Variants in DNAJC25 observed in about 807,000 individuals in gnomAD.
The protein encoded by DNAJC25 is dnaJ homolog subfamily C member 25.
In DNAJC25, 26 loss-of-function variants were observed where a neutral mutation model predicts 42.1. That is an observed-to-expected ratio of 0.62 (90% CI 0.45 to 0.86). The LOEUF (loss-of-function observed/expected upper bound fraction) is 0.86, where lower values mean the gene tolerates loss of function less well. DNAJC25 is among the 40% of genes least tolerant of loss of function. DNAJC25 has a pLI of 0.00. For synonymous variants in DNAJC25, 189 were observed against 179.9 expected (o/e 1.05, Z -0.40); for missense variants, 404 against 459.4 (o/e 0.88, Z 1.10).
At chr9:111,637,880 A>G (rs1830387356) in intron 1 of DNAJC25, among the ~76,000 whole-genome samples, 1 of 152,100 alleles carries the variant, frequency 6.6e-6, no homozygotes, top group Admixed American at 6.5e-5. Context: ...TTCAGTCTTT[A>G]TCGTCTTTTC....
chr9:111,633,119 C>T (rs1830312197), intron 1 of DNAJC25, among the ~76,000 whole-genome samples: 1 of 152,132 alleles, frequency 6.6e-6, no homozygotes, highest in South Asian at 2.1e-4. Context: ...AAGAACTCTC[C>T]ATCCAAGGCA....
At chr9:111,636,581 A>T (rs537572451) in intron 1 of DNAJC25, among the ~76,000 whole-genome samples, 25 of 152,290 alleles carry the variant, frequency 1.6e-4, no homozygotes, top group Admixed American at 1.6e-3. Flanking sequence ...CAGTCTCCCA[A>T]ATAGCTGCGA....
Position 111,653,201 on chromosome 9 carries a change from G to A in DNAJC25, c.1062G>A (p.Arg354=). ...RRWMKNEGPG[R]LTFVDD ...GGATGAAGAATGAAGGGCCTGGGCG[G>A]TTAACATTTGTGGATGACTGAAGAT... Residue 354 remains arginine (R), a synonymous_variant, in exon 4 of 4, where the codon CGG becomes CGA. Transcript: ENST00000313525. 6.3e-7 allele frequency: 1 copy of A among 1,583,506 alleles called. No homozygotes were observed. The highest frequency in any genetic ancestry group is 8.6e-7 in the Non-Finnish European group (1 of 1,163,702).
At chr9:111,644,956 A>G (rs1486950857) in intron 1 of DNAJC25, among the ~76,000 whole-genome samples, 1 of 152,230 alleles carries the variant, frequency 6.6e-6, no homozygotes, top group Non-Finnish European at 1.5e-5. Flanking sequence ...CTGGAATAGG[A>G]TGATGACTTA....
chr9:111,641,407 G>T (rs1471691148), intron 1 of DNAJC25, among the ~76,000 whole-genome samples: 12 of 138,402 alleles, frequency 8.7e-5, no homozygotes, highest in African/African-American at 3.3e-4. Context: ...GAGGTGGGGG[G>T]GTCAGCCCTC....
At chr9:111,645,642 A>C (rs563840021) in intron 1 of DNAJC25, among the ~76,000 whole-genome samples, 14 of 152,296 alleles carry the variant, frequency 9.2e-5, no homozygotes, top group Non-Finnish European at 1.3e-4. Context: ...AAATCTAAAA[A>C]ACTACATGTT....
Position 111,653,161 on chromosome 9 carries a change from A to G in DNAJC25, c.1022A>G (p.Lys341Arg). 6.2e-7 allele frequency: 1 copy of G among 1,604,164 alleles called. No homozygotes were observed. Among genetic ancestry groups the G allele is most frequent in the Non-Finnish European group, 8.5e-7 (1 of 1,174,118 alleles). The change falls in exon 4 of 4, where the codon AAG (lysine) becomes AGG (arginine). Residue 341 changes from lysine to arginine, a missense_variant. Physicochemically the swap from Lys to Arg is conservative, Grantham distance 26 (BLOSUM62 2). Coordinates refer to ENST00000313525, the MANE Select transcript of DNAJC25 (RefSeq NM_001015882.3). ...AAGTTGGCAAATGACCCCAGATGGA[A>G]GAGATACAGGAGATGGATGAAGAAT... ...KKKLANDPRWKRYRRWMKNEG... is the reference protein window; with the variant it reads ...KKKLANDPRWRRYRRWMKNEG...
chr9:111,649,499 C>T lies in DNAJC25; in HGVS notation c.536C>T (p.Ala179Val). ...NSYNKAISYL[A>V]TVPKYRIQAT... ...TACAATAAGGCAATCAGCTACCTAG[C>T]CACAGTGCCCAAGTACCGTATCCAA... is the stretch of plus-strand genomic sequence containing the variant. Residue 179 changes from alanine (A) to valine (V), a missense_variant, in exon 3 of 4, where the codon GCC becomes GTC. Ala to Val is a moderately conservative substitution (Grantham distance 64). Transcript: ENST00000313525. The T allele has an allele frequency of 6.2e-7, 1 of 1,608,064 alleles. No individual in the cohort carries two copies.
chr9:111,633,538 G>T (rs2131254054), intron 1 of DNAJC25, among the ~76,000 whole-genome samples: 1 of 152,296 alleles, frequency 6.6e-6, no homozygotes, highest in African/African-American at 2.4e-5. Flanking sequence ...CTTACCCTCT[G>T]TGTCAACCCA....
At chr9:111,631,789 A>T (rs1261454198) in intron 1 of DNAJC25, 46 bp downstream of exon 1, 2 of 1,471,708 alleles carry the variant, frequency 1.4e-6, no homozygotes, top group Non-Finnish European at 1.8e-6. Flanking sequence ...GGCCGCGGGA[A>T]GCCCACGGCG....
Position 111,653,672 on chromosome 9 carries a change from T to G in DNAJC25, c.*450T>G, listed in dbSNP as rs1830699866. On this transcript the variant is annotated 3_prime_UTR_variant, in exon 4 of 4. Transcript: ENST00000313525. Reference sequence around the variant, plus strand: ...CAGCATTTAATTATATTATCATGAGTGTGTTTCTGGACACAAACTTCTGCA... The same window carrying G: ...CAGCATTTAATTATATTATCATGAGGGTGTTTCTGGACACAAACTTCTGCA... The G allele has an allele frequency of 6.6e-6, 1 of 152,386 alleles. No homozygotes were observed. Among genetic ancestry groups the G allele is most frequent in the African/African-American group, 2.4e-5 (1 of 41,466 alleles). The allele number at this position is 152,386 out of a possible 1,614,324, so 9.4% of individuals were successfully genotyped here. A position where few individuals can be genotyped will look rare whatever the true frequency, so the allele number is the denominator to read the frequency against.
chr9:111,641,315 C>T (rs1830457869), intron 1 of DNAJC25, among the ~76,000 whole-genome samples: 3 of 143,864 alleles, frequency 2.1e-5, no homozygotes, highest in Non-Finnish European at 3.1e-5. Context: ...AGTGAGGAGC[C>T]CCTCTGCCCG....
chr9:111,643,229 G>A (rs944897600), intron 1 of DNAJC25: 9 of 249,364 alleles, frequency 3.6e-5, no homozygotes, highest in Non-Finnish European at 6.5e-5. Context: ...CCTTGCTGGT[G>A]AGATGGAGAC....
intron 1 of DNAJC25, among the ~76,000 whole-genome samples, chr9:111,641,254 C>T (rs1830456564): frequency 3.5e-5 from 5 of 144,276 alleles, no homozygotes; most frequent in African/African-American, 5.2e-5. Context: ...CCCGGCCAGC[C>T]GCCCCGTCTG....
At chr9:111,632,182 C>T (rs1017939979) in intron 1 of DNAJC25, among the ~76,000 whole-genome samples, 6 of 152,174 alleles carry the variant, frequency 3.9e-5, no homozygotes, top group African/African-American at 1.2e-4. Flanking sequence ...AATGGTGACG[C>T]TTAGTTTGGG....
chr9:111,635,866 A>C (rs1830354540), intron 1 of DNAJC25, among the ~76,000 whole-genome samples: 1 of 151,844 alleles, frequency 6.6e-6, no homozygotes, highest in African/African-American at 2.4e-5. Flanking sequence ...GCAGGGCTTT[A>C]GCACTTAGGA....
At chr9:111,636,801 A>G (rs1830369055) in intron 1 of DNAJC25, among the ~76,000 whole-genome samples, 1 of 152,162 alleles carries the variant, frequency 6.6e-6, no homozygotes, top group Non-Finnish European at 1.5e-5. Context: ...GGGAAAGAGT[A>G]ACATATTTGA....
intron 1 of DNAJC25, among the ~76,000 whole-genome samples, chr9:111,638,853 A>G (rs979573258): frequency 6.6e-6 from 1 of 151,558 alleles, no homozygotes; most frequent in Non-Finnish European, 1.5e-5. Flanking sequence ...AGTTGATAAC[A>G]TCCTAACTCT....
Position 111,649,780 on chromosome 9 carries a change from A to G in DNAJC25, c.817A>G (p.Lys273Glu). Residue 273 changes from lysine (K) to glutamate (E), a missense_variant, in exon 3 of 4, where the codon AAA (lysine) becomes GAA (glutamate). By Grantham distance (56) the Lys-to-Glu change is moderately conservative. Transcript: ENST00000313525. ...TCGGTGGATCTATAATTTTAACATC[A>G]AAGGCAAAGAATATGGAGAGGAAGA... ...YCRWIYNFNI[K>E]GKEYGEEERL... 1.2e-6 allele frequency: 2 copies of G among 1,614,060 alleles called. No homozygotes were observed. The highest frequency in any genetic ancestry group is 8.5e-7 in the Non-Finnish European group (1 of 1,180,008).
Sources: gnomAD v4.1 joint callset for allele counts (sites outside exome capture counted in the v4.1 genomes callset) on GRCh38, gnomAD v4.1.1 for gene constraint, MANE v1.5 for transcripts, NCBI Gene and HGNC (gene_info 2026-07-23, HGNC 2026-07-21) for gene names.